The following MTRF1 variants were observed in gnomAD, a reference collection of about 807,000 sequenced individuals.
MTRF1 encodes the protein mitochondrial translation release factor 1.
Under a neutral mutation model 62.9 loss-of-function variants are expected in MTRF1, and 51 were observed. That is an observed-to-expected ratio of 0.81 (90% CI 0.65 to 1.02). The LOEUF is 1.02. Ranked by LOEUF, MTRF1 falls within the 50% of genes least tolerant of loss-of-function variation. MTRF1 has a pLI of 0.00. For missense variants in MTRF1, 446 were observed against 530.0 expected (o/e 0.84, Z 1.56); for synonymous variants, 158 against 181.9 (o/e 0.87, Z 1.06).
rs1199547058 is a variant in MTRF1 at position 41,216,870 on chromosome 13, CT to C, written c.*244del. On this transcript the variant is annotated 3_prime_UTR_variant, in exon 10 of 10. Coordinates refer to ENST00000379480, the MANE Select transcript of MTRF1 (RefSeq NM_004294.4). Reference sequence around the variant, plus strand: ...TAAATGACACAATCAATTCTCAATACTTTCTCTTTTCAATGATGCATGCTTA... The same window carrying C: ...TAAATGACACAATCAATTCTCAATACTTCTCTTTTCAATGATGCATGCTTA... 8.0e-6 allele frequency: 2 copies of C among 250,340 alleles called. No homozygotes were observed. The highest frequency in any genetic ancestry group is 1.5e-5 in the Non-Finnish European group (2 of 133,696). The allele number at this position is 250,340 out of a possible 1,614,324, so 15.5% of individuals were successfully genotyped here.
At chr13:41,243,855 T>C (rs908752025) in intron 5 of MTRF1, among the ~76,000 whole-genome samples, 2 of 152,242 alleles carry the variant, frequency 1.3e-5, no homozygotes, top group Non-Finnish European at 2.9e-5. Flanking sequence ...AGAATACTAA[T>C]ACTAGTTCTA....
At chr13:41,269,199 G>GTT in the MTRF1 span, among the ~76,000 whole-genome samples, 262 of 68,710 alleles carry the variant, frequency 3.8e-3, 4 homozygotes, top group African/African-American at 4.4e-3. Flanking sequence ...TTTTTTTTTG[G>GTT]TTTTTTTTTT....
At chr13:41,264,809 C>T (rs1241239780), upstream of MTRF1, among the ~76,000 whole-genome samples, 3 of 152,198 alleles carry the variant, frequency 2.0e-5, no homozygotes, top group Non-Finnish European at 1.5e-5. Flanking sequence ...AAGGCAATGG[C>T]TTTAATGATC....
At chr13:41,288,904 A>C in the MTRF1 span, among the ~76,000 whole-genome samples, 4 of 152,192 alleles carry the variant, frequency 2.6e-5, no homozygotes, top group East Asian at 7.7e-4. Context: ...TGGTTCAAGA[A>C]GTTTTGAAAA....
chr13:41,231,274 G>C (rs541076097), intron 7 of MTRF1, among the ~76,000 whole-genome samples: 9 of 152,348 alleles, frequency 5.9e-5, no homozygotes, highest in African/African-American at 2.2e-4. Flanking sequence ...CAGAAATAGA[G>C]ACACCAGGTA....
rs754599738 is a variant in MTRF1 at position 41,260,804 on chromosome 13, A to C, written c.104T>G (p.Leu35Arg). 3 of 1,614,068 alleles carry C rather than the reference A, an allele frequency of 1.9e-6. No individual in the cohort carries two copies. In the African/African-American group the frequency reaches 4.0e-5, roughly 22 times the overall value. ...LHSHQFRQIHLDTRLQVFRQN... is the reference protein window; with the variant it reads ...LHSHQFRQIHRDTRLQVFRQN... ...TCTAAAAACTTGCAGCCTTGTATCA[A>C]GATGTATCTGTCTAAATTGATGAGA... The change falls in exon 2 of 10, where the codon CTT (leucine) becomes CGT (arginine). Residue 35 changes from leucine to arginine, a missense_variant. Physicochemically the swap from Leu to Arg is moderately radical, Grantham distance 102 (BLOSUM62 -2). Coordinates refer to ENST00000379480, the MANE Select transcript of MTRF1 (RefSeq NM_004294.4).
chr13:41,280,975 T>C, the MTRF1 span, among the ~76,000 whole-genome samples: 1 of 152,092 alleles, frequency 6.6e-6, no homozygotes, highest in Non-Finnish European at 1.5e-5. Flanking sequence ...TGAGGTGACG[T>C]GGGGAAGAAA....
At chr13:41,259,712 A>AAAACAAAAAAAAAC (rs2040194675) in intron 2 of MTRF1, among the ~76,000 whole-genome samples, 24 of 136,744 alleles carry the variant, frequency 1.8e-4, no homozygotes, top group East Asian at 8.2e-4. Flanking sequence ...AAAAAAAAAA[A>AAAACAAAAAAAAAC]AAAAAAAAAC....
chr13:41,235,396 A>G (rs2036320431), intron 6 of MTRF1: 1 of 152,236 alleles, frequency 6.6e-6, no homozygotes, highest in African/African-American at 2.4e-5. Context: ...ATGAAAATCA[A>G]CTTCATTCGT....
intron 7 of MTRF1, among the ~76,000 whole-genome samples, chr13:41,233,654 C>G (rs145139361): frequency 6.6e-6 from 1 of 152,266 alleles, no homozygotes; most frequent in East Asian, 1.9e-4. Context: ...TCACTCCCAT[C>G]CAGCATACCT....
intron 8 of MTRF1, among the ~76,000 whole-genome samples, chr13:41,225,795 G>A (rs1478443019): frequency 7.4e-6 from 1 of 135,348 alleles, no homozygotes; most frequent in African/African-American, 2.8e-5. Flanking sequence ...GTGACAGAGC[G>A]AGACTCTGTC....
At chr13:41,242,464 A>G (rs1177913557) in intron 5 of MTRF1, among the ~76,000 whole-genome samples, 1 of 152,190 alleles carries the variant, frequency 6.6e-6, no homozygotes, top group African/African-American at 2.4e-5. Flanking sequence ...ATAGTATTTG[A>G]AAATCACAAT....
chr13:41,219,619 A>G (rs7317207), intron 9 of MTRF1, among the ~76,000 whole-genome samples: 75,797 of 152,124 alleles, frequency 0.5, 20,343 homozygotes, highest in South Asian at 0.62. Context: ...GGAAAGATTC[A>G]GGAAGCCAGA....
At chr13:41,311,726 C>T in the MTRF1 span, 1 of 748,620 alleles carries the variant, frequency 1.3e-6, no homozygotes, top group African/African-American at 1.9e-5. Flanking sequence ...TCGCGGGACC[C>T]CACTTTCCCG....
chr13:41,290,220 C>T, the MTRF1 span, among the ~76,000 whole-genome samples: 2 of 149,914 alleles, frequency 1.3e-5, no homozygotes, highest in East Asian at 3.9e-4. Flanking sequence ...GCCTCAGCCT[C>T]CCGAGTAGGT....
chr13:41,223,758 C>T (rs371290068), intron 8 of MTRF1, among the ~76,000 whole-genome samples: 47 of 152,270 alleles, frequency 3.1e-4, no homozygotes, highest in East Asian at 1.2e-3. Context: ...AAGATGCACA[C>T]GGCGGGAGAG....
At chr13:41,305,794 T>C in the MTRF1 span, among the ~76,000 whole-genome samples, 1 of 152,240 alleles carries the variant, frequency 6.6e-6, no homozygotes, top group South Asian at 2.1e-4. Flanking sequence ...CTCATTCCTG[T>C]GTACTTGGTT....
chr13:41,297,813 T>A, the MTRF1 span, among the ~76,000 whole-genome samples: 1 of 152,064 alleles, frequency 6.6e-6, no homozygotes. Flanking sequence ...TTACCTCCAG[T>A]GATGTGCCCG....
At position 41,240,256 on chromosome 13, in the gene MTRF1, G is replaced by A. The variant is rs1188967799; in HGVS notation, c.870+5C>T. ...TGAGTTTCCCTTGCCTCCTCCTGAG[G>A]TTACCTCATCTGGCTGAGGAAGGAC... On this transcript the variant is annotated splice_donor_5th_base_variant and intron_variant, in intron 6 of 9. Coordinates refer to ENST00000379480, the MANE Select transcript of MTRF1 (RefSeq NM_004294.4). 1 of 1,604,362 alleles carries A rather than the reference G, an allele frequency of 6.2e-7. No homozygotes were observed. Among genetic ancestry groups the A allele is most frequent in the South Asian group, 1.1e-5 (1 of 89,440 alleles).
Sources: gnomAD v4.1 joint callset for allele counts (sites outside exome capture counted in the v4.1 genomes callset) on GRCh38, gnomAD v4.1.1 for gene constraint, MANE v1.5 for transcripts, NCBI Gene and HGNC (gene_info 2026-07-23, HGNC 2026-07-21) for gene names.